Variants in ATP8B2 observed in about 807,000 individuals in gnomAD.
The protein encoded by ATP8B2 is phospholipid-transporting ATPase ID.
Under a neutral mutation model 133.4 loss-of-function variants are expected in ATP8B2, and 70 were observed. The observed-to-expected ratio is 0.52, with a 90% CI of 0.43 to 0.64. The LOEUF is 0.64. ATP8B2 is among the 30% of genes least tolerant of loss of function. The pLI, the probability that ATP8B2 is intolerant of heterozygous loss-of-function variation, is 0.00. For missense variants in ATP8B2, 1,101 were observed against 1,535.7 expected, an observed-to-expected ratio of 0.72 and a Z score of 4.73; for synonymous variants, 517 against 589.5, an observed-to-expected ratio of 0.88 and a Z score of 1.78.
Position 154,346,768 on chromosome 1 carries a change from C to G in ATP8B2, c.3163+10C>G. ...CAGTTCCGGTTTGTGGGTAAGTCCC[C>G]GTGGCCTCCTTGAATCGGTGAGGAA... On this transcript the variant is annotated intron_variant, in intron 26 of 27. Transcript: ENST00000368489. The surrounding 1 kb of genome is among the most constrained non-coding windows in gnomAD (Gnocchi z 4.5). 3.7e-6 allele frequency: 6 copies of G among 1,613,788 alleles called. No individual in the cohort carries two copies. Among genetic ancestry groups the G allele is most frequent in the Non-Finnish European group, 5.1e-6 (6 of 1,179,758 alleles).
rs745682103 is a variant in ATP8B2, at chr1:154,330,908, C to T, written c.184C>T (p.Leu62=). The T allele has an allele frequency of 2.5e-6, 4 of 1,613,982 alleles. No individual in the cohort carries two copies. The South Asian group carries it at 4.4e-5, about 18-fold the overall frequency. ...CCAGGAAGTTGCCAACACTTACTTC[C>T]TGTTCCTCCTCATTCTGCAGGTAGG... The part of the protein sequence containing the change: ...QFQEVANTYF[L]FLLILQLIPQ... Residue 62 remains leucine (L), a synonymous_variant, in exon 4 of 28, where the codon CTG becomes TTG. Transcript: ENST00000368489.
intron 2 of ATP8B2, among the ~76,000 whole-genome samples, chr1:154,329,763 C>G (rs1347622683): frequency 6.6e-6 from 1 of 152,226 alleles, no homozygotes; most frequent in African/African-American, 2.4e-5. Context: ...ACCCCCCACA[C>G]CTTTTTCTAC....
chr1:154,348,246 T>G (rs1463118660), intron 26 of ATP8B2, among the ~76,000 whole-genome samples, 162 bp from the exon 27 acceptor site: 2 of 152,144 alleles, frequency 1.3e-5, no homozygotes, highest in East Asian at 3.9e-4. Flanking sequence ...TGGGGGAGTT[T>G]GGAGCTAAAT....
In ATP8B2 at chr1:154,342,901, C is replaced by CAT; in HGVS notation, c.1394_1395dup (p.Glu466MetfsTer83). On this transcript the variant is annotated frameshift_variant, in exon 15 of 28. Transcript: ENST00000368489. LOFTEE classifies it high-confidence loss of function. Reference sequence around the variant, plus strand: ...TGTCAAGATCGGGGACCCCCACACGCATGAGTTCTTCCGCCTCCTTTCCCT... The same window carrying CAT: ...TGTCAAGATCGGGGACCCCCACACGCATATGAGTTCTTCCGCCTCCTTTCCCT... 6.2e-7 allele frequency: 1 copy of CAT among 1,614,208 alleles called. No homozygotes were observed. Among genetic ancestry groups the CAT allele is most frequent in the Non-Finnish European group, 8.5e-7 (1 of 1,180,050 alleles).
At chr1:154,336,883 C>T (rs1686203516) in intron 11 of ATP8B2, among the ~76,000 whole-genome samples, 1 of 151,218 alleles carries the variant, frequency 6.6e-6, no homozygotes. Context: ...CAATGTCTGC[C>T]TCCCGGGTTC....
rs371525699 is a variant in ATP8B2, at chr1:154,345,347, T to C, written c.2496T>C (p.Ser832=). The change falls in exon 23 of 28, where the codon AGT becomes AGC. Residue 832 remains serine, a synonymous_variant. Transcript: ENST00000368489. The surrounding 1 kb of genome is among the most constrained non-coding windows in gnomAD (Gnocchi z 5.6). ...CGGCTCACATTGGTGTGGGGATCAG[T>C]GGGCAGGAAGGGATCCAGGCTGTCT... ...IKTAHIGVGI[S]GQEGIQAVLA... is the part of the protein sequence containing the mutation. 22 of 1,613,994 alleles carry C rather than the reference T, an allele frequency of 1.4e-5. No homozygotes were observed. The highest frequency in any genetic ancestry group is 1.3e-5 in the African/African-American group (1 of 74,922).
At position 154,350,304 on chromosome 1, in the gene ATP8B2, C is replaced by T. The variant is rs1340349796; in HGVS notation, c.*1186C>T. On this transcript the variant is annotated 3_prime_UTR_variant, in exon 28 of 28. Transcript: ENST00000368489. ...CAGGCTAGTCTTGAATTCCTGACCT[C>T]CTGACCTGCCCACCTCAACCTCCCA... 1 of 152,176 alleles carries T rather than the reference C, an allele frequency of 6.6e-6. No individual in the cohort carries two copies. The highest frequency in any genetic ancestry group is 1.5e-5 in the Non-Finnish European group (1 of 68,054). The allele number at this position is 152,176 out of a possible 1,614,324, so 9.4% of individuals were successfully genotyped here.
Position 154,328,198 on chromosome 1 carries a change from C to G in ATP8B2, c.31+26C>G, listed in dbSNP as rs754244537. On this transcript the variant is annotated intron_variant, in intron 2 of 27. Transcript: ENST00000368489. The surrounding 1 kb of genome is among the most constrained non-coding windows in gnomAD (Gnocchi z 4.6). ...GTAAGACAGGCAAGGAGGGGAGATCCCGGGAACCATCAAGAGTGGGTGTTG... is the reference window on the plus strand; with the variant it reads ...GTAAGACAGGCAAGGAGGGGAGATCGCGGGAACCATCAAGAGTGGGTGTTG... 1.3e-5 allele frequency: 21 copies of G among 1,603,048 alleles called. No homozygotes were observed. In the East Asian group the frequency reaches 4.0e-4, roughly 31 times the overall value.
intron 2 of ATP8B2, 52 bp from the exon 3 acceptor site, chr1:154,330,344 T>A: frequency 6.5e-7 from 1 of 1,535,418 alleles, no homozygotes; most frequent in South Asian, 1.1e-5. Context: ...CAGCAAAGTG[T>A]TGGTCCAGAC....
At position 154,334,116 on chromosome 1, in the gene ATP8B2, T is replaced by A; in HGVS notation, c.599T>A (p.Ile200Asn). The change falls in exon 10 of 28, where the codon ATC becomes AAC. Residue 200 changes from isoleucine (I) to asparagine (N), a missense_variant. Transcript: ENST00000368489. This position sits in a 1 kb window ranked among gnomAD's most constrained non-coding sequence, Gnocchi z 4.6. ...SKLAKFDGEV[I>N]CEPPNNKLDK... ...CTTGTCTCCTGTTCAGGTGAAGTGA[T>A]CTGTGAACCTCCCAACAACAAACTG... is the stretch of plus-strand genomic sequence containing the variant. The A allele has an allele frequency of 6.2e-7, 1 of 1,614,142 alleles. No individual in the cohort carries two copies. The highest frequency in any genetic ancestry group is 8.5e-7 in the Non-Finnish European group (1 of 1,180,012).
rs747741724 is a variant in ATP8B2, at chr1:154,342,529, A to AT, written c.1287+8dup. On this transcript the variant is annotated splice_region_variant and intron_variant, in intron 14 of 27. Transcript: ENST00000368489. ...ACAAAGCTGAATTGGGAGAGGTAAGATTCAGTCTCCCTAATTCTATGTGCC... is the reference window on the plus strand; with the variant it reads ...ACAAAGCTGAATTGGGAGAGGTAAGATTTCAGTCTCCCTAATTCTATGTGCC... The AT allele has an allele frequency of 6.2e-7, 1 of 1,612,984 alleles. No individual in the cohort carries two copies. The highest frequency in any genetic ancestry group is 1.1e-5 in the South Asian group (1 of 91,062).
chr1:154,348,385 C>T (rs750341816), intron 26 of ATP8B2, 23 bp from the exon 27 acceptor site: 3 of 1,588,878 alleles, frequency 1.9e-6, no homozygotes, highest in Non-Finnish European at 2.6e-6. Context: ...CTCCCAAGGC[C>T]ACTGACTCCT....
rs562875701 is a variant in ATP8B2 at position 154,344,976 on chromosome 1, C to T, written c.2292C>T (p.His764=). 24 of 1,611,736 alleles carry T rather than the reference C, an allele frequency of 1.5e-5. No homozygotes were observed. Among genetic ancestry groups the T allele is most frequent in the Admixed American group, 1.3e-4 (8 of 59,830 alleles). Reference sequence around the variant, plus strand: ...CAGGTTTCTCTGTGCTCCAGGCCCACGCACTGGAGGCAGACATGGAGCTGG... The same window carrying T: ...CAGGTTTCTCTGTGCTCCAGGCCCATGCACTGGAGGCAGACATGGAGCTGG... The part of the protein sequence containing the change: ...ALVINGHSLA[H]ALEADMELEF... Residue 764 remains histidine, a synonymous_variant, in exon 22 of 28, where the codon CAC becomes CAT. Coordinates refer to ENST00000368489, the MANE Select transcript of ATP8B2 (RefSeq NM_001370597.1). This position sits in a 1 kb window ranked among gnomAD's most constrained non-coding sequence, Gnocchi z 4.1.
chr1:154,343,563 C>G lies in ATP8B2; in HGVS notation c.1753C>G (p.Leu585Val). The change falls in exon 17 of 28, where the codon CTT becomes GTT. Residue 585 changes from leucine to valine, a missense_variant. Physicochemically the swap from Leu to Val is conservative, Grantham distance 32. Transcript: ENST00000368489. The surrounding 1 kb of genome is among the most constrained non-coding windows in gnomAD (Gnocchi z 5.8). ...QELLNTTMDH[L>V]NEYAGEGLRT... The stretch of plus-strand genomic sequence containing the variant: ...GCTGCTCAACACCACCATGGACCAC[C>G]TTAATGTGGGTGTGAGGAGAGGAGG... The G allele has an allele frequency of 2.5e-6, 4 of 1,613,630 alleles. No homozygotes were observed. Among genetic ancestry groups the G allele is most frequent in the Non-Finnish European group, 3.4e-6 (4 of 1,179,660 alleles).
At chr1:154,325,956 G>A (rs1570840689) in intron 1 of ATP8B2, among the ~76,000 whole-genome samples, 1 of 152,198 alleles carries the variant, frequency 6.6e-6, no homozygotes, top group African/African-American at 2.4e-5. Context: ...GGGTGCCGAA[G>A]GGGCGCGTGG....
In ATP8B2 at chr1:154,343,237, C is replaced by G. The variant is rs775174581; in HGVS notation, c.1578C>G (p.Ala526=). ...KTITVHEMGT[A]ITYQLLAILD... is the part of the protein sequence containing the mutation. ...TCACCGTCCATGAGATGGGCACAGC[C>G]ATCACCTACCAGCTGCTGGCCATCC... The change falls in exon 16 of 28, where the codon GCC becomes GCG. Residue 526 remains alanine (A), a synonymous_variant. Coordinates refer to ENST00000368489, the MANE Select transcript of ATP8B2 (RefSeq NM_001370597.1). The surrounding 1 kb of genome is among the most constrained non-coding windows in gnomAD (Gnocchi z 5.8). The G allele has an allele frequency of 1.5e-5, 24 of 1,614,020 alleles. No homozygotes were observed. Among genetic ancestry groups the G allele is most frequent in the Non-Finnish European group, 4.2e-6 (5 of 1,180,040 alleles).
chr1:154,345,949 CGTG>C lies in ATP8B2; in HGVS notation c.2778+70_2778+72del. 1 of 1,411,542 alleles carries C rather than the reference CGTG, an allele frequency of 7.1e-7. No individual in the cohort carries two copies. Among genetic ancestry groups the C allele is most frequent in the Non-Finnish European group, 1.0e-6 (1 of 999,646 alleles). The allele number at this position is 1,411,542 out of a possible 1,614,324, so 87.4% of individuals were successfully genotyped here. On this transcript the variant is annotated intron_variant, in intron 24 of 27. Coordinates refer to ENST00000368489, the MANE Select transcript of ATP8B2 (RefSeq NM_001370597.1). This position sits in a 1 kb window ranked among gnomAD's most constrained non-coding sequence, Gnocchi z 5.6. ...TCACTGCTTGAAGGAGTCACATAGA[CGTG>C]GTGTGTGACACTTGTGCCCATTTCC...
Position 154,334,406 on chromosome 1 carries a change from C to G in ATP8B2, c.749-97C>G, listed in dbSNP as rs1686106180. ...CAGGCTTCTTATCTAGCCAGTATCT[C>G]TATTCCACCCTGGTGTCCTGCAGTC... On this transcript the variant is annotated intron_variant, in intron 10 of 27. Coordinates refer to ENST00000368489, the MANE Select transcript of ATP8B2 (RefSeq NM_001370597.1). The surrounding 1 kb of genome is among the most constrained non-coding windows in gnomAD (Gnocchi z 4.6). 2 of 1,516,356 alleles carry G rather than the reference C, an allele frequency of 1.3e-6. No individual in the cohort carries two copies. The highest frequency in any genetic ancestry group is 1.8e-5 in the Admixed American group (1 of 56,892). 93.9% of individuals were successfully genotyped at this position (1,516,356 alleles called of 1,614,324 possible). A position where few individuals can be genotyped will look rare whatever the true frequency, so the allele number is the denominator to read the frequency against.
chr1:154,342,159 A>G lies in ATP8B2; in HGVS notation c.1244-321A>G, dbSNP rs1686406912. The stretch of plus-strand genomic sequence containing the variant: ...TGAGCCTTGTCTGCTGCTCAGGTCT[A>G]ATGGGTGCAAGGAGGCCTGGGAGGT... On this transcript the variant is annotated intron_variant, in intron 13 of 27. Coordinates refer to ENST00000368489, the MANE Select transcript of ATP8B2 (RefSeq NM_001370597.1). 3.3e-5 allele frequency among the ~76,000 whole-genome samples: 5 copies of G among 151,780 alleles called. 1 individual carries two copies. The South Asian group carries it at 1.0e-3, about 32-fold the overall frequency.
Sources: allele counts gnomAD v4.1 joint callset (sites outside exome capture counted in the v4.1 genomes callset), GRCh38; gene constraint gnomAD v4.1.1; non-coding constraint Gnocchi (gnomAD v3.1); transcripts MANE v1.5; gene names NCBI Gene and HGNC (gene_info 2026-07-23, HGNC 2026-07-21).